SYCP2L: variants seen among roughly 807,000 people sequenced by gnomAD.
SYCP2L encodes the protein synaptonemal complex protein 2-like.
SYCP2L carries 98 observed loss-of-function variants against 125.8 expected under a neutral mutation model. The observed-to-expected ratio is 0.78, with a 90% CI of 0.66 to 0.92. SYCP2L has a LOEUF of 0.92. Ranked by LOEUF, SYCP2L falls within the 40% of genes least tolerant of loss-of-function variation. The pLI is 0.00. For missense variants in SYCP2L, 842 were observed against 936.4 expected, an observed-to-expected ratio of 0.90 and a Z score of 1.32; for synonymous variants, 317 against 325.4, an observed-to-expected ratio of 0.97 and a Z score of 0.28.
At chr6:10,941,745 G>A (rs937214508) in intron 21 of SYCP2L, among the ~76,000 whole-genome samples, 17 of 152,324 alleles carry the variant, frequency 1.1e-4, no homozygotes, top group Non-Finnish European at 2.2e-4. Context: ...AGTCAGTGTG[G>A]TGATTCCTCA....
chr6:10,924,548 C>G lies in SYCP2L; in HGVS notation c.1125C>G (p.Ile375Met), dbSNP rs1207395381. Residue 375 changes from isoleucine to methionine, a missense_variant, in exon 15 of 30, where the codon ATC (isoleucine) becomes ATG (methionine). Physicochemically the swap from Ile to Met is conservative, Grantham distance 10. Transcript: ENST00000283141. ...TTTACCTGAAGAAGCCCATGATTAT[C>G]AGCTACAAAGAAGTCATGAAAATAG... ...FIIYLKKPMI[I>M]SYKEVMKIEI... 1 of 1,601,110 alleles carries G rather than the reference C, an allele frequency of 6.2e-7. No individual in the cohort carries two copies. Among genetic ancestry groups the G allele is most frequent in the Non-Finnish European group, 8.5e-7 (1 of 1,176,312 alleles).
At chr6:10,894,791 A>G (rs570832281) in intron 4 of SYCP2L, among the ~76,000 whole-genome samples, 26 of 152,210 alleles carry the variant, frequency 1.7e-4, no homozygotes, top group Non-Finnish European at 3.1e-4. Flanking sequence ...CTCTTGCTGC[A>G]GTTCCGCTCT....
At chr6:10,909,716 C>A (rs1268014143) in intron 10 of SYCP2L, among the ~76,000 whole-genome samples, 1 of 152,208 alleles carries the variant, frequency 6.6e-6, no homozygotes, top group Admixed American at 6.5e-5. Context: ...GTAGATAATA[C>A]ACCCAGATCA....
Position 10,894,024 on chromosome 6 carries a change from G to T in SYCP2L, c.216+20G>T, listed in dbSNP as rs1780217317. ...AATAAGGCAAGTTGGTTTGCTTTGT[G>T]ACCAAAATACAAATGTATAATTATT... On this transcript the variant is annotated intron_variant, in intron 3 of 29. Transcript: ENST00000283141. 2 of 1,603,304 alleles carry T rather than the reference G, an allele frequency of 1.2e-6. No homozygotes were observed. Among genetic ancestry groups the T allele is most frequent in the Non-Finnish European group, 1.7e-6 (2 of 1,176,956 alleles).
intron 29 of SYCP2L, among the ~76,000 whole-genome samples, chr6:10,969,563 A>G (rs9461383): frequency 0.55 from 83,296 of 150,942 alleles, 23,920 homozygotes; most frequent in East Asian, 0.91. Flanking sequence ...ACGGGGTTTC[A>G]CCGTTTTAGC....
intron 14 of SYCP2L, among the ~76,000 whole-genome samples, chr6:10,923,154 C>T (rs45477496): frequency 0.23 from 34,189 of 151,694 alleles, 4,553 homozygotes; most frequent in East Asian, 0.38. Flanking sequence ...CCCTTGTTTC[C>T]CGTCTCATTA....
At chr6:10,961,258 C>T in intron 26 of SYCP2L, 47 bp from the exon 27 acceptor site, 1 of 1,470,676 alleles carries the variant, frequency 6.8e-7, no homozygotes, top group Non-Finnish European at 9.5e-7. Context: ...AGTCTGCTGT[C>T]ACATCCAAGC....
chr6:10,905,359 C>T (rs1237908740), intron 8 of SYCP2L, among the ~76,000 whole-genome samples: 1 of 151,476 alleles, frequency 6.6e-6, no homozygotes, highest in Non-Finnish European at 1.5e-5. Context: ...ATGGCACGCT[C>T]TCGGCTCACT....
intron 28 of SYCP2L, among the ~76,000 whole-genome samples, chr6:10,962,630 A>T (rs988474946): frequency 2.1e-5 from 3 of 144,614 alleles, no homozygotes; most frequent in Non-Finnish European, 4.7e-5. Context: ...TTAAAAATAC[A>T]CTTATTTTAA....
At chr6:10,895,683 G>A (rs904710408) in intron 4 of SYCP2L, among the ~76,000 whole-genome samples, 4 of 152,000 alleles carry the variant, frequency 2.6e-5, no homozygotes, top group African/African-American at 9.7e-5. Context: ...TATTCGAAGA[G>A]AAACCTCATC....
chr6:10,924,073 CAGTG>C (rs1276297279), intron 14 of SYCP2L, among the ~76,000 whole-genome samples: 1 of 152,068 alleles, frequency 6.6e-6, no homozygotes, highest in East Asian at 1.9e-4. Context: ...ACATTGGGGA[CAGTG>C]AGTTTTATTT....
At chr6:10,893,413 TCTTC>T (rs1406439744) in intron 2 of SYCP2L, among the ~76,000 whole-genome samples, 21 of 152,384 alleles carry the variant, frequency 1.4e-4, no homozygotes, top group African/African-American at 4.3e-4. Flanking sequence ...GTATTATTTT[TCTTC>T]CTTCTATTAT....
intron 10 of SYCP2L, among the ~76,000 whole-genome samples, chr6:10,909,023 T>G (rs1410333528): frequency 6.6e-6 from 1 of 152,204 alleles, no homozygotes; most frequent in Admixed American, 6.5e-5. Context: ...TTGTCATTTC[T>G]CATTTGCAGG....
chr6:10,931,335 A>T, intron 19 of SYCP2L, 105 bp from the exon 20 acceptor site: 1 of 1,055,250 alleles, frequency 9.5e-7, no homozygotes, highest in Non-Finnish European at 1.5e-6. Context: ...AAGCTGTAGG[A>T]AGTGGGAATT....
Position 10,968,222 on chromosome 6 carries a change from G to A in SYCP2L, c.*37+4379G>A, listed in dbSNP as rs111274728. ...ACATCTGTGATGATAACAGGTTGGG[G>A]TGCACATAGCTGTGGTGGCACTGAA... On this transcript the variant is annotated intron_variant, in intron 29 of 29. Transcript: ENST00000283141. 2.4e-3 allele frequency among the ~76,000 whole-genome samples: 373 copies of A among 152,324 alleles called. 1 individual carries two copies. The highest frequency in any genetic ancestry group is 8.5e-3 in the African/African-American group (355 of 41,574).
intron 8 of SYCP2L, among the ~76,000 whole-genome samples, chr6:10,903,429 T>C (rs1383447371): frequency 6.6e-6 from 1 of 152,152 alleles, no homozygotes; most frequent in Non-Finnish European, 1.5e-5. Flanking sequence ...GCACCTGTAG[T>C]CCCAGCTACT....
chr6:10,891,717 A>G (rs1402943805), intron 2 of SYCP2L, 136 bp downstream of exon 2: 1 of 535,064 alleles, frequency 1.9e-6, no homozygotes, highest in Non-Finnish European at 3.1e-6. Context: ...CTGGGTCATT[A>G]GCAAACTTGT....
chr6:10,953,712 GA>G (rs1281226086), intron 23 of SYCP2L, among the ~76,000 whole-genome samples: 2 of 152,048 alleles, frequency 1.3e-5, no homozygotes, highest in Non-Finnish European at 1.5e-5. Flanking sequence ...TGGTAGTGAA[GA>G]AAAAAAATGC....
intron 18 of SYCP2L, 82 bp downstream of exon 18, chr6:10,928,532 T>C (rs1188757436): frequency 6.9e-7 from 1 of 1,442,340 alleles, no homozygotes; most frequent in South Asian, 1.7e-5. Context: ...TCCTGGTTCA[T>C]GGACCATTTT....
Sources: gnomAD v4.1 joint callset for allele counts (sites outside exome capture counted in the v4.1 genomes callset) on GRCh38, gnomAD v4.1.1 for gene constraint, MANE v1.5 for transcripts, NCBI Gene and HGNC (gene_info 2026-07-23, HGNC 2026-07-21) for gene names.